The following KCNK17 variants were observed in gnomAD, a reference collection of about 807,000 sequenced individuals.
KCNK17 encodes the protein potassium channel subfamily K member 17.
Under a neutral mutation model 24.6 loss-of-function variants are expected in KCNK17, and 27 were observed. The observed-to-expected ratio is 1.10, with a 90% CI of 0.81 to 1.51. The LOEUF (loss-of-function observed/expected upper bound fraction) is 1.51. Among genes scored for constraint, KCNK17 ranks in the 40% most tolerant of loss-of-function variants. KCNK17 has a pLI of 0.00. For missense variants in KCNK17, 450 were observed against 436.6 expected (o/e 1.03, Z -0.27); for synonymous variants, 181 against 189.8 (o/e 0.95, Z 0.38).
At chr6:39,311,082 A>G in intron 1 of KCNK17, 75 bp from the exon 2 acceptor site, 3 of 326,654 alleles carry the variant, frequency 9.2e-6, no homozygotes, top group South Asian at 4.9e-5. Flanking sequence ...GCACACACAC[A>G]CACACACACA....
chr6:39,313,054 A>G (rs1762172414), intron 1 of KCNK17, among the ~76,000 whole-genome samples: 1 of 152,164 alleles, frequency 6.6e-6, no homozygotes, highest in Non-Finnish European at 1.5e-5. Flanking sequence ...ATAAGCCACC[A>G]GGACTGCAAG....
At chr6:39,313,075 T>C (rs2113842899) in intron 1 of KCNK17, among the ~76,000 whole-genome samples, 1 of 152,312 alleles carries the variant, frequency 6.6e-6, no homozygotes, top group East Asian at 1.9e-4. Context: ...ACGGGGATTC[T>C]GGGCTGGCGC....
intron 2 of KCNK17, among the ~76,000 whole-genome samples, chr6:39,306,294 T>C (rs1348999926): frequency 1.3e-5 from 2 of 152,240 alleles, no homozygotes; most frequent in Non-Finnish European, 1.5e-5. Context: ...TCTGCCCGCC[T>C]TGGCCTACCA....
At chr6:39,306,477 T>C (rs1396931381) in intron 2 of KCNK17, among the ~76,000 whole-genome samples, 2 of 152,250 alleles carry the variant, frequency 1.3e-5, no homozygotes, top group South Asian at 2.1e-4. Context: ...CAAAAGTGAA[T>C]GTGTAAGTAA....
chr6:39,302,428 T>C, intron 4 of KCNK17, among the ~76,000 whole-genome samples: 1 of 152,168 alleles, frequency 6.6e-6, no homozygotes, highest in Admixed American at 6.5e-5. Context: ...ATGAAGTTCT[T>C]CAGAGGAGCT....
rs1437928924 is a variant in KCNK17, at chr6:39,304,128, G to A, written c.517C>T (p.Pro173Ser). The A allele has an allele frequency of 3.1e-6, 5 of 1,607,144 alleles. No individual in the cohort carries two copies. Among genetic ancestry groups the A allele is most frequent in the Non-Finnish European group, 4.2e-6 (5 of 1,179,802 alleles). Reference sequence around the variant, plus strand: ...CCCGCCAGCCACCGCGCCTTGTCAGGATCCTGTGGGTGCAACATTGTCCCC... The same window carrying A: ...CCCGCCAGCCACCGCGCCTTGTCAGAATCCTGTGGGTGCAACATTGTCCCC... ...ASRLGGTWQD[P>S]DKARWLAGSG... The change falls in exon 4 of 5, where the codon CCT becomes TCT. Residue 173 changes from proline (P) to serine (S), a missense_variant. Coordinates refer to ENST00000373231, the MANE Select transcript of KCNK17 (RefSeq NM_031460.4).
intron 2 of KCNK17, among the ~76,000 whole-genome samples, chr6:39,307,274 A>G (rs1762053449): frequency 6.6e-6 from 1 of 152,170 alleles, no homozygotes; most frequent in Admixed American, 6.5e-5. Context: ...TGTTTGTTGA[A>G]TAAATGAATG....
At chr6:39,300,599 C>T in intron 4 of KCNK17, 1 of 1,421,336 alleles carries the variant, frequency 7.0e-7, no homozygotes, top group Admixed American at 2.0e-5. Context: ...AGCCACCTGT[C>T]TGAACCTCCT....
chr6:39,304,521 C>T lies in KCNK17; in HGVS notation c.487G>A (p.Ala163Thr). Residue 163 changes from alanine to threonine, a missense_variant, in exon 3 of 5, where the codon GCC becomes ACC. By Grantham distance (58) the Ala-to-Thr change is moderately conservative. Transcript: ENST00000373231. Reference sequence around the variant, plus strand: ...TGCCAGGTGCCCCCCAGCCTGCTGGCCCAGTGGTTTACTCCCTGCTGCATG... The same window carrying T: ...TGCCAGGTGCCCCCCAGCCTGCTGGTCCAGTGGTTTACTCCCTGCTGCATG... ...HLMQQGVNHW[A>T]SRLGGTWQDP... 2 of 1,613,958 alleles carry T rather than the reference C, an allele frequency of 1.2e-6. No homozygotes were observed. The highest frequency in any genetic ancestry group is 1.7e-5 in the Admixed American group (1 of 60,016).
intron 2 of KCNK17, among the ~76,000 whole-genome samples, chr6:39,307,483 T>C (rs568475651): frequency 6.6e-6 from 1 of 152,300 alleles, no homozygotes; most frequent in South Asian, 2.1e-4. Context: ...CTCCTCCAGC[T>C]GTAGGTCCTG....
At chr6:39,313,863 C>G (rs1468634567) in intron 1 of KCNK17, among the ~76,000 whole-genome samples, 1 of 152,234 alleles carries the variant, frequency 6.6e-6, no homozygotes, top group African/African-American at 2.4e-5. Context: ...TCTCGCAGTC[C>G]TCTCGCTAGG....
chr6:39,306,328 G>A (rs1222534570), intron 2 of KCNK17, among the ~76,000 whole-genome samples: 1 of 152,226 alleles, frequency 6.6e-6, no homozygotes, highest in African/African-American at 2.4e-5. Context: ...ACAGGCGTGA[G>A]CCACCGCACC....
chr6:39,305,530 G>T (rs1762020807), intron 2 of KCNK17, among the ~76,000 whole-genome samples: 1 of 152,116 alleles, frequency 6.6e-6, no homozygotes, highest in Non-Finnish European at 1.5e-5. Flanking sequence ...GATAGGGAGA[G>T]GGGAAGCTAG....
chr6:39,310,878 CCATCTGGCCCTTA>C lies in KCNK17; in HGVS notation c.352+2_352+14del. On this transcript the variant is annotated splice_donor_variant and splice_donor_5th_base_variant and intron_variant, in intron 2 of 4. Transcript: ENST00000373231. LOFTEE classifies it high-confidence loss of function. ...TTCCCCCACCCCCATCCCCCTGGCCCCATCTGGCCCTTACCAATGGTGGTGATGGTGGACACAG... is the reference window on the plus strand; with the variant it reads ...TTCCCCCACCCCCATCCCCCTGGCCCCCAATGGTGGTGATGGTGGACACAG... 1.3e-6 allele frequency: 2 copies of C among 1,531,188 alleles called. No individual in the cohort carries two copies. The highest frequency in any genetic ancestry group is 1.4e-5 in the African/African-American group (1 of 72,812). 94.9% of individuals were successfully genotyped at this position (1,531,188 alleles called of 1,614,324 possible).
At chr6:39,303,308 AG>A (rs1202416647) in intron 4 of KCNK17, among the ~76,000 whole-genome samples, 11 of 152,160 alleles carry the variant, frequency 7.2e-5, no homozygotes, top group African/African-American at 2.7e-4. Flanking sequence ...GGCGGTGATG[AG>A]GCTGAGCTGG....
Position 39,299,570 on chromosome 6 carries a change from T to C in KCNK17, c.856A>G (p.Lys286Glu). The change falls in exon 5 of 5, where the codon AAG becomes GAG. Residue 286 changes from lysine to glutamate, a missense_variant. Physicochemically the swap from Lys to Glu is moderately conservative, Grantham distance 56 (BLOSUM62 1). Coordinates refer to ENST00000373231, the MANE Select transcript of KCNK17 (RefSeq NM_031460.4). ...CCHHSSKEDF[K>E]SQSWRQGPDR... Reference sequence around the variant, plus strand: ...GGTCCCTGTCTCCAGCTTTGGGACTTGAAGTCTTCCTTAGAGCTGTGGTGG... The same window carrying C: ...GGTCCCTGTCTCCAGCTTTGGGACTCGAAGTCTTCCTTAGAGCTGTGGTGG... 1 of 1,614,170 alleles carries C rather than the reference T, an allele frequency of 6.2e-7. No individual in the cohort carries two copies. Among genetic ancestry groups the C allele is most frequent in the Non-Finnish European group, 8.5e-7 (1 of 1,180,034 alleles).
At chr6:39,309,756 A>G (rs1762098143) in intron 2 of KCNK17, among the ~76,000 whole-genome samples, 1 of 152,164 alleles carries the variant, frequency 6.6e-6, no homozygotes, top group Non-Finnish European at 1.5e-5. Flanking sequence ...ATGCATATTT[A>G]ATGGAATTCC....
chr6:39,300,640 C>T, intron 4 of KCNK17: 1 of 1,058,850 alleles, frequency 9.4e-7, no homozygotes, highest in South Asian at 1.4e-5. Flanking sequence ...ACGACTGCGC[C>T]CCCTTGGCTT....
At chr6:39,312,175 G>A (rs914420799) in intron 1 of KCNK17, among the ~76,000 whole-genome samples, 1 of 152,190 alleles carries the variant, frequency 6.6e-6, no homozygotes, top group Non-Finnish European at 1.5e-5. Context: ...GGATTGTGAG[G>A]GTGTGTGGAC....
Sources: allele counts gnomAD v4.1 joint callset (sites outside exome capture counted in the v4.1 genomes callset), GRCh38; gene constraint gnomAD v4.1.1; transcripts MANE v1.5; gene names NCBI Gene and HGNC (gene_info 2026-07-23, HGNC 2026-07-21).